Variants in RFX4 observed in about 807,000 individuals in gnomAD.
RFX4 encodes regulatory factor X4.
In RFX4, 10 loss-of-function variants were observed where a neutral mutation model predicts 95.0. That is an observed-to-expected ratio of 0.11 (90% confidence interval 0.06 to 0.18). The LOEUF (loss-of-function observed/expected upper bound fraction) is 0.18. Ranked by LOEUF, RFX4 falls within the 10% of genes least tolerant of loss-of-function variation. The pLI, the probability that RFX4 is intolerant of heterozygous loss-of-function variation, is 1.00. For missense variants in RFX4, 640 were observed against 922.0 expected, an observed-to-expected ratio of 0.69 and a Z score of 3.96; for synonymous variants, 321 against 340.7, an observed-to-expected ratio of 0.94 and a Z score of 0.64.
chr12:106,739,618 A>T (rs1269460529), intron 15 of RFX4, among the ~76,000 whole-genome samples: 2 of 152,148 alleles, frequency 1.3e-5, no homozygotes, highest in Non-Finnish European at 2.9e-5. Context: ...TTGTTTTTTT[A>T]AATGGGGAAA....
At chr12:106,668,795 A>G (rs1192029446) in intron 4 of RFX4, among the ~76,000 whole-genome samples, 1 of 152,152 alleles carries the variant, frequency 6.6e-6, no homozygotes, top group Non-Finnish European at 1.5e-5. Flanking sequence ...TTATGAGCTC[A>G]TGGGAAGTAA....
chr12:106,587,821 G>A (rs1224618529), intron 1 of RFX4, among the ~76,000 whole-genome samples: 1 of 152,240 alleles, frequency 6.6e-6, no homozygotes, highest in Admixed American at 6.5e-5. Flanking sequence ...AGGTGGGAAC[G>A]GAACGGGAAG....
intron 13 of RFX4, among the ~76,000 whole-genome samples, chr12:106,725,274 G>A (rs1458355186): frequency 6.6e-6 from 1 of 152,032 alleles, no homozygotes; most frequent in African/African-American, 2.4e-5. Context: ...TTGGTCAAAG[G>A]CAGTCCCAAG....
intron 7 of RFX4, among the ~76,000 whole-genome samples, chr12:106,689,754 C>CT (rs2041741669): frequency 6.6e-6 from 1 of 152,166 alleles, no homozygotes; most frequent in Admixed American, 6.5e-5. Context: ...TATATTTAGG[C>CT]TTTTCCTGAG....
At chr12:106,760,122 A>G (rs2043183572) in intron 17 of RFX4, among the ~76,000 whole-genome samples, 1 of 152,180 alleles carries the variant, frequency 6.6e-6, no homozygotes, top group Non-Finnish European at 1.5e-5. Context: ...CTGTCAGGGA[A>G]GACAGATGGG....
chr12:106,705,163 G>C (rs1388563018), intron 8 of RFX4, among the ~76,000 whole-genome samples: 1 of 152,168 alleles, frequency 6.6e-6, no homozygotes, highest in Non-Finnish European at 1.5e-5. Context: ...GTACTTCTAG[G>C]GCTGAGGTGA....
At chr12:106,591,099 C>T (rs946411420) in intron 1 of RFX4, among the ~76,000 whole-genome samples, 1 of 152,118 alleles carries the variant, frequency 6.6e-6, no homozygotes, top group Non-Finnish European at 1.5e-5. Context: ...GATCCATACT[C>T]TTAGTCATGA....
At chr12:106,760,623 A>T (rs533393290) in intron 17 of RFX4, among the ~76,000 whole-genome samples, 2 of 152,264 alleles carry the variant, frequency 1.3e-5, no homozygotes, top group Admixed American at 1.3e-4. Context: ...ACTAATAATA[A>T]CCTTCGAAAT....
At chr12:106,592,770 A>G (rs1027414956) in intron 1 of RFX4, among the ~76,000 whole-genome samples, 59 of 152,184 alleles carry the variant, frequency 3.9e-4, no homozygotes, top group African/African-American at 1.4e-3. Context: ...ATGCAGAGAG[A>G]GTTTGGTTCT....
chr12:106,589,566 C>T (rs1354912967), intron 1 of RFX4, among the ~76,000 whole-genome samples: 3 of 152,150 alleles, frequency 2.0e-5, no homozygotes, highest in Non-Finnish European at 4.4e-5. Context: ...CTGGAACCTG[C>T]CTGAGGTCTC....
chr12:106,707,469 G>A (rs1017778222), intron 8 of RFX4, among the ~76,000 whole-genome samples: 25 of 152,242 alleles, frequency 1.6e-4, no homozygotes, highest in Admixed American at 3.3e-4. Flanking sequence ...CAGGCAGAGG[G>A]CAGGAGTTTT....
intron 13 of RFX4, among the ~76,000 whole-genome samples, chr12:106,729,496 C>T (rs911869154): frequency 4.6e-5 from 7 of 152,150 alleles, no homozygotes; most frequent in Admixed American, 2.6e-4. Context: ...TAGCACATAA[C>T]GATTGAGGAG....
At chr12:106,616,971 T>C (rs929561219) in intron 2 of RFX4, among the ~76,000 whole-genome samples, 1 of 151,998 alleles carries the variant, frequency 6.6e-6, no homozygotes, top group African/African-American at 2.4e-5. Context: ...AGTTTCACCA[T>C]GTTGGCCAGG....
intron 2 of RFX4, among the ~76,000 whole-genome samples, chr12:106,628,720 C>T (rs2040354685): frequency 6.6e-6 from 1 of 151,538 alleles, no homozygotes; most frequent in African/African-American, 2.4e-5. Context: ...ACACGTTCTT[C>T]GAGTATTTCC....
At chr12:106,755,777 G>C (rs2043097475) in intron 17 of RFX4, among the ~76,000 whole-genome samples, 1 of 152,164 alleles carries the variant, frequency 6.6e-6, no homozygotes, top group Non-Finnish European at 1.5e-5. Context: ...CACTACATCA[G>C]ACTCACCAGG....
chr12:106,677,260 A>T (rs1013922648), intron 4 of RFX4, among the ~76,000 whole-genome samples: 1 of 152,180 alleles, frequency 6.6e-6, no homozygotes, highest in Admixed American at 6.5e-5. Context: ...GAAGGGTCAC[A>T]GGGCAAGTGG....
intron 3 of RFX4, among the ~76,000 whole-genome samples, chr12:106,651,222 C>G (rs1459273712): frequency 6.6e-6 from 1 of 152,154 alleles, no homozygotes; most frequent in Non-Finnish European, 1.5e-5. Context: ...TGGAACCTCC[C>G]TCCCTCCCCC....
chr12:106,705,705 G>T (rs2042071175), intron 8 of RFX4, among the ~76,000 whole-genome samples: 1 of 152,168 alleles, frequency 6.6e-6, no homozygotes, highest in Non-Finnish European at 1.5e-5. Context: ...CAGGGATGGA[G>T]TAAGCTGAGG....
intron 1 of RFX4, among the ~76,000 whole-genome samples, chr12:106,590,920 C>T (rs1350911797): frequency 6.6e-6 from 1 of 151,590 alleles, no homozygotes; most frequent in Non-Finnish European, 1.5e-5. Flanking sequence ...GCACTTCAGC[C>T]TGGGTGAGAG....
Sources: allele counts gnomAD v4.1 joint callset (sites outside exome capture counted in the v4.1 genomes callset), GRCh38; gene constraint gnomAD v4.1.1; transcripts MANE v1.5; gene names NCBI Gene and HGNC (gene_info 2026-07-23, HGNC 2026-07-21).